The following SORCS2 variants were observed in gnomAD, a reference collection of about 807,000 sequenced individuals.
The protein encoded by SORCS2 is VPS10 domain-containing receptor SorCS2.
SORCS2 carries 100 observed loss-of-function variants against 141.6 expected under a neutral mutation model. The observed-to-expected ratio is 0.71, with a 90% confidence interval of 0.60 to 0.83. The LOEUF is 0.83. SORCS2 is among the 40% of genes least tolerant of loss of function. The pLI is 0.00. For missense variants in SORCS2, 1,646 were observed against 1,560.2 expected, an observed-to-expected ratio of 1.05 and a Z score of -0.93; for synonymous variants, 789 against 676.9, an observed-to-expected ratio of 1.17 and a Z score of -2.57.
intron 2 of SORCS2, among the ~76,000 whole-genome samples, chr4:7,445,254 A>G (rs2109270535): frequency 6.6e-6 from 1 of 152,338 alleles, no homozygotes; most frequent in Non-Finnish European, 1.5e-5. Context: ...AGTAAGGGCC[A>G]GACCTGAGGA....
rs60403055 is a variant in SORCS2 at position 7,403,997 on chromosome 4, ATTTTTT to A, written c.548+7653_548+7658del. 4.0e-3 allele frequency among the ~76,000 whole-genome samples: 76 copies of A among 18,950 alleles called. 1 individual carries two copies. The highest frequency in any genetic ancestry group is 0.011 in the African/African-American group (70 of 6,506). 12.4% of individuals were successfully genotyped at this position (18,950 alleles called of 152,430 possible). On this transcript the variant is annotated intron_variant, in intron 2 of 26. Transcript: ENST00000507866. ...TATATATATATATATATATATATAT[ATTTTTT>A]TTTTTTTTTTAGTATCCATTTATGA...
chr4:7,438,322 C>G (rs1448833879), intron 2 of SORCS2, among the ~76,000 whole-genome samples: 1 of 152,178 alleles, frequency 6.6e-6, no homozygotes, highest in Non-Finnish European at 1.5e-5. Context: ...TTGACCAGAC[C>G]CAGGTCATGC....
chr4:7,199,271 G>A (rs1183379708), intron 1 of SORCS2, among the ~76,000 whole-genome samples: 1 of 152,210 alleles, frequency 6.6e-6, no homozygotes, highest in African/African-American at 2.4e-5. Context: ...GAGCCCCAGG[G>A]ATGCAATTCA....
chr4:7,657,708 G>A (rs775590445), intron 5 of SORCS2, among the ~76,000 whole-genome samples: 1 of 151,996 alleles, frequency 6.6e-6, no homozygotes, highest in Non-Finnish European at 1.5e-5. Flanking sequence ...GAGTGAATGA[G>A]TGAGTAGCTG....
At chr4:7,532,561 G>A (rs1175643309) in intron 3 of SORCS2, among the ~76,000 whole-genome samples, 2 of 152,236 alleles carry the variant, frequency 1.3e-5, no homozygotes, top group Non-Finnish European at 2.9e-5. Context: ...GGAGTTGTGC[G>A]GGATGGTGAT....
intron 2 of SORCS2, among the ~76,000 whole-genome samples, chr4:7,526,381 T>C (rs1733696119): frequency 6.6e-6 from 1 of 152,246 alleles, no homozygotes; most frequent in Admixed American, 6.5e-5. Flanking sequence ...TGGAAGGACC[T>C]TAATGCTATC....
chr4:7,397,847 C>T (rs12511951), intron 2 of SORCS2, among the ~76,000 whole-genome samples: 5,303 of 152,256 alleles, frequency 0.035, 148 homozygotes, highest in Admixed American at 0.046. Context: ...ACAAAGCGGA[C>T]GGAGATGGTC....
intron 2 of SORCS2, among the ~76,000 whole-genome samples, chr4:7,435,270 C>T (rs4484302): frequency 0.83 from 126,583 of 151,988 alleles, 52,757 homozygotes; most frequent in South Asian, 0.95. Flanking sequence ...GCCTGGGTCC[C>T]CTCCTGGAAT....
chr4:7,223,289 A>G (rs1289696871), intron 1 of SORCS2, among the ~76,000 whole-genome samples: 2 of 84,176 alleles, frequency 2.4e-5, no homozygotes, highest in East Asian at 3.4e-4. Context: ...ACCTTAGTGT[A>G]TATGCGCACA....
intron 3 of SORCS2, among the ~76,000 whole-genome samples, chr4:7,548,017 T>C (rs1192458235): frequency 6.6e-6 from 1 of 152,220 alleles, no homozygotes; most frequent in Non-Finnish European, 1.5e-5. Context: ...CTTCCTGATT[T>C]CTTTCATCAT....
At chr4:7,408,586 T>C (rs995931709) in intron 2 of SORCS2, among the ~76,000 whole-genome samples, 1 of 152,118 alleles carries the variant, frequency 6.6e-6, no homozygotes, top group African/African-American at 2.4e-5. Flanking sequence ...GGTAGTCTTG[T>C]TTGGGTTGAA....
At chr4:7,566,535 G>C (rs923975003) in intron 3 of SORCS2, among the ~76,000 whole-genome samples, 3 of 152,204 alleles carry the variant, frequency 2.0e-5, no homozygotes, top group Non-Finnish European at 4.4e-5. Context: ...CAGCAGGTTA[G>C]AGTTGGAATA....
At chr4:7,284,652 G>T (rs1446623940) in intron 1 of SORCS2, among the ~76,000 whole-genome samples, 6 of 152,188 alleles carry the variant, frequency 3.9e-5, no homozygotes, top group Non-Finnish European at 7.3e-5. Flanking sequence ...AGTCTAGAGG[G>T]TGCCATGCCT....
At chr4:7,737,630 G>T (rs1368131125) in intron 26 of SORCS2, among the ~76,000 whole-genome samples, 1 of 152,200 alleles carries the variant, frequency 6.6e-6, no homozygotes, top group Admixed American at 6.5e-5. Context: ...GCACTTTACA[G>T]TTTATGAAGC....
intron 2 of SORCS2, among the ~76,000 whole-genome samples, chr4:7,473,039 G>A (rs1179319748): frequency 6.6e-6 from 1 of 152,206 alleles, no homozygotes; most frequent in South Asian, 2.1e-4. Flanking sequence ...TGCTAGACAC[G>A]GTAGAGTTTG....
intron 1 of SORCS2, among the ~76,000 whole-genome samples, chr4:7,302,697 T>C (rs1314228043): frequency 2.0e-5 from 3 of 151,920 alleles, no homozygotes; most frequent in African/African-American, 7.3e-5. Flanking sequence ...GCTAAGCTCA[T>C]TTTGTCCGTT....
chr4:7,449,571 C>A (rs1415683659), intron 2 of SORCS2, among the ~76,000 whole-genome samples: 1 of 151,466 alleles, frequency 6.6e-6, no homozygotes, highest in Non-Finnish European at 1.5e-5. Flanking sequence ...GACCCAGCAC[C>A]AGGTTCAGGA....
rs1560475585 is a variant in SORCS2 at position 7,676,822 on chromosome 4, T to TCC, written c.1341+594_1341+595insCC. On this transcript the variant is annotated intron_variant, in intron 9 of 26. Coordinates refer to ENST00000507866, the MANE Select transcript of SORCS2 (RefSeq NM_020777.3). ...CTTTCTGTCTCTCTCTCTCTCTCTC[T>TCC]CTCTCTCCCTCTCTCCACCCCAGCC... Among the ~76,000 whole-genome samples the TCC allele has an allele frequency of 6.6e-4, 66 of 100,120 alleles. 2 individuals carry two copies. Among genetic ancestry groups the TCC allele is most frequent in the African/African-American group, 2.4e-3 (64 of 26,466 alleles). The allele number at this position is 100,120 out of a possible 152,430, so 65.7% of individuals were successfully genotyped here. A position where few individuals can be genotyped will look rare whatever the true frequency, so the allele number is the denominator to read the frequency against.
At chr4:7,427,845 C>A (rs1007100361) in intron 2 of SORCS2, among the ~76,000 whole-genome samples, 9 of 113,458 alleles carry the variant, frequency 7.9e-5, no homozygotes. Context: ...ACACCACCGC[C>A]CCCCCGCCCC....
Sources: gnomAD v4.1 joint callset for allele counts (sites outside exome capture counted in the v4.1 genomes callset) on GRCh38, gnomAD v4.1.1 for gene constraint, MANE v1.5 for transcripts, NCBI Gene and HGNC (gene_info 2026-07-23, HGNC 2026-07-21) for gene names.